Variants in RRAS2 observed in about 807,000 individuals in gnomAD.
The protein encoded by RRAS2 is RAS related 2, also known as ras-related protein R-Ras2.
Under a neutral mutation model 27.6 loss-of-function variants are expected in RRAS2, and 7 were observed. The observed-to-expected ratio is 0.25, with a 90% confidence interval of 0.14 to 0.48. The LOEUF (loss-of-function observed/expected upper bound fraction) is 0.48. Ranked by LOEUF, RRAS2 falls within the 20% of genes least tolerant of loss-of-function variation. The pLI is 0.99. For missense variants in RRAS2, 178 were observed against 256.2 expected, an observed-to-expected ratio of 0.69 and a Z score of 2.08; for synonymous variants, 86 against 90.9, an observed-to-expected ratio of 0.95 and a Z score of 0.31.
In RRAS2 at chr11:14,326,918, G is replaced by A. The variant is rs529595274; in HGVS notation, c.109-31063C>T. Among the ~76,000 whole-genome samples the A allele has an allele frequency of 2.5e-4, 16 of 64,986 alleles. 6 individuals are homozygous for A. In the East Asian group the frequency reaches 4.2e-3, roughly 17 times the overall value. The allele number at this position is 64,986 out of a possible 152,430, so 42.6% of individuals were successfully genotyped here. A position where few individuals can be genotyped will look rare whatever the true frequency, so the allele number is the denominator to read the frequency against. ...TACTAAAAATACAAAAAAATTAGCC[G>A]GGCGTAGTGGCGGGCGCCTGTAGTC... is the stretch of plus-strand genomic sequence containing the variant. On this transcript the variant is annotated intron_variant, in intron 1 of 5. Transcript: ENST00000256196.
Position 14,326,868 on chromosome 11 carries a change from G to A in RRAS2, c.109-31013C>T, listed in dbSNP as rs1209576350. Among the ~76,000 whole-genome samples the A allele has an allele frequency of 2.0e-4, 4 of 19,556 alleles. 2 individuals are homozygous for A. In the South Asian group the frequency reaches 0.011, roughly 55 times the overall value. The allele number at this position is 19,556 out of a possible 152,430, so 12.8% of individuals were successfully genotyped here. ...GAGGTCAGGAGATCGAGACCATCCCGGCTAAAACGGTGAAACCCCGTCTCT... is the reference window on the plus strand; with the variant it reads ...GAGGTCAGGAGATCGAGACCATCCCAGCTAAAACGGTGAAACCCCGTCTCT... On this transcript the variant is annotated intron_variant, in intron 1 of 5. Transcript: ENST00000256196.
At chr11:14,312,589 T>G (rs1848000018) in intron 1 of RRAS2, among the ~76,000 whole-genome samples, 1 of 152,014 alleles carries the variant, frequency 6.6e-6, no homozygotes, top group African/African-American at 2.4e-5. Context: ...CTGGCTAATT[T>G]TTTCATTTTT....
intron 3 of RRAS2, 58 bp from the exon 4 acceptor site, chr11:14,294,637 C>A (rs1411011539): frequency 1.4e-6 from 2 of 1,472,936 alleles, no homozygotes; most frequent in Non-Finnish European, 9.3e-7. Context: ...CAGAATTCAG[C>A]AAGTCTCATG....
At chr11:14,331,015 C>G (rs540456360) in intron 1 of RRAS2, among the ~76,000 whole-genome samples, 53 of 152,292 alleles carry the variant, frequency 3.5e-4, no homozygotes, top group Admixed American at 7.2e-4. Flanking sequence ...CTGCTGGGCT[C>G]AAGCAATCCT....
In RRAS2 at chr11:14,295,841, C is replaced by T. The variant is rs1554946514; in HGVS notation, c.123G>A (p.Thr41=). 2.5e-6 allele frequency: 4 copies of T among 1,612,754 alleles called. No individual in the cohort carries two copies. The highest frequency in any genetic ancestry group is 1.7e-4 in the Middle Eastern group (1 of 5,814). Residue 41 remains threonine, a synonymous_variant, in exon 2 of 6, where the codon ACG becomes ACA. Coordinates refer to ENST00000256196, the MANE Select transcript of RRAS2 (RefSeq NM_012250.6). ...TIQFIQSYFV[T]DYDPTIEDSY... The stretch of plus-strand genomic sequence containing the variant: ...AATCTTCAATGGTTGGATCATAATC[C>T]GTTACAAAATAGGACTGCAAGAAAA...
chr11:14,335,793 T>C (rs1554952483), intron 1 of RRAS2, among the ~76,000 whole-genome samples: 2 of 152,136 alleles, frequency 1.3e-5, no homozygotes, highest in African/African-American at 4.8e-5. Flanking sequence ...ATCCCAGAGT[T>C]GGAGTTGAAA....
intron 1 of RRAS2, among the ~76,000 whole-genome samples, chr11:14,325,361 G>C (rs1188719875): frequency 1.3e-5 from 2 of 149,628 alleles, no homozygotes; most frequent in East Asian, 3.9e-4. Context: ...GCCCACGCTG[G>C]AGTGCAGTGG....
intron 1 of RRAS2, among the ~76,000 whole-genome samples, chr11:14,303,971 T>C (rs1847772311): frequency 6.6e-6 from 1 of 152,212 alleles, no homozygotes; most frequent in Admixed American, 6.5e-5. Context: ...GGGGTTTCCA[T>C]GGGTACCTTC....
chr11:14,315,672 T>C (rs1219952557), intron 1 of RRAS2, among the ~76,000 whole-genome samples: 1 of 152,186 alleles, frequency 6.6e-6, no homozygotes, highest in African/African-American at 2.4e-5. Flanking sequence ...GTGACAGATA[T>C]ATGGGAAGTT....
intron 1 of RRAS2, among the ~76,000 whole-genome samples, chr11:14,299,755 A>G (rs1554947123): frequency 6.6e-6 from 1 of 152,162 alleles, no homozygotes; most frequent in African/African-American, 2.4e-5. Flanking sequence ...TTATACAACC[A>G]CCAGTAGTTG....
chr11:14,287,468 C>T (rs1554945207), intron 4 of RRAS2, among the ~76,000 whole-genome samples: 1 of 152,050 alleles, frequency 6.6e-6, no homozygotes, highest in Non-Finnish European at 1.5e-5. Flanking sequence ...TAGAATTTTT[C>T]CAGTAGCTTT....
chr11:14,350,689 T>C (rs2134036086), intron 1 of RRAS2, among the ~76,000 whole-genome samples: 1 of 151,960 alleles, frequency 6.6e-6, no homozygotes, highest in Non-Finnish European at 1.5e-5. Context: ...TAACGATAGC[T>C]GACGAGGTTA....
chr11:14,343,562 G>A (rs1029189840), intron 1 of RRAS2, among the ~76,000 whole-genome samples: 1 of 152,160 alleles, frequency 6.6e-6, no homozygotes, highest in East Asian at 1.9e-4. Flanking sequence ...GGTGGCTCAC[G>A]CCTGTAATCC....
At chr11:14,348,801 T>C (rs1275309437) in intron 1 of RRAS2, among the ~76,000 whole-genome samples, 2 of 152,216 alleles carry the variant, frequency 1.3e-5, no homozygotes, top group Non-Finnish European at 2.9e-5. Flanking sequence ...CAGTAGAGAA[T>C]AGTATTAATG....
chr11:14,290,233 A>G (rs1849774438), intron 4 of RRAS2, among the ~76,000 whole-genome samples: 1 of 152,184 alleles, frequency 6.6e-6, no homozygotes, highest in Non-Finnish European at 1.5e-5. Context: ...GCAGATCACA[A>G]GATCAGGAGT....
intron 1 of RRAS2, among the ~76,000 whole-genome samples, chr11:14,302,617 C>T (rs1238048043): frequency 2.6e-5 from 4 of 152,158 alleles, no homozygotes; most frequent in Non-Finnish European, 5.9e-5. Context: ...GGAAAAGCTT[C>T]CCAGGGAGCT....
intron 1 of RRAS2, among the ~76,000 whole-genome samples, chr11:14,311,278 A>G (rs1847958758): frequency 6.6e-6 from 1 of 152,226 alleles, no homozygotes; most frequent in Non-Finnish European, 1.5e-5. Context: ...CAGCAGTTTC[A>G]GGCTACAGTG....
At chr11:14,306,585 C>T (rs1457987518) in intron 1 of RRAS2, among the ~76,000 whole-genome samples, 1 of 152,162 alleles carries the variant, frequency 6.6e-6, no homozygotes, top group African/African-American at 2.4e-5. Flanking sequence ...AACAACTCTC[C>T]ACAATTCCAA....
intron 1 of RRAS2, among the ~76,000 whole-genome samples, chr11:14,306,098 C>T (rs1452764821): frequency 6.6e-6 from 1 of 151,066 alleles, no homozygotes; most frequent in Non-Finnish European, 1.5e-5. Context: ...ACAACAGACA[C>T]CCTACGGATG....
Sources: allele counts gnomAD v4.1 joint callset (sites outside exome capture counted in the v4.1 genomes callset), GRCh38; gene constraint gnomAD v4.1.1; transcripts MANE v1.5; gene names NCBI Gene and HGNC (gene_info 2026-07-23, HGNC 2026-07-21).